TANC1: variants seen among roughly 807,000 people sequenced by gnomAD.
The protein encoded by TANC1 is protein TANC1.
A neutral mutation model predicts 149.7 loss-of-function variants in TANC1; 77 were observed. The ratio of observed to expected loss-of-function variants is 0.51; its 90% CI spans 0.43 to 0.62. The LOEUF is 0.62. Among genes scored for constraint, TANC1 ranks in the 20% least tolerant of loss-of-function variants. TANC1 has a pLI of 0.00. For missense variants in TANC1, 1,985 were observed against 2,321.8 expected (o/e 0.85, Z 2.98); for synonymous variants, 854 against 925.0 (o/e 0.92, Z 1.39).
intron 1 of TANC1, among the ~76,000 whole-genome samples, chr2:158,976,225 A>G (rs1255587649): frequency 1.3e-5 from 2 of 152,186 alleles, no homozygotes; most frequent in African/African-American, 4.8e-5. Flanking sequence ...TGTTAGAAAA[A>G]ATTAAGCTTT....
chr2:159,079,230 T>G (rs2044003957), intron 3 of TANC1, among the ~76,000 whole-genome samples: 1 of 152,076 alleles, frequency 6.6e-6, no homozygotes. Context: ...GGGGTCTCAC[T>G]ATATTGTCCA....
chr2:159,225,638 C>G, intron 23 of TANC1, 50 bp from the exon 24 acceptor site: 1 of 1,488,740 alleles, frequency 6.7e-7, no homozygotes, highest in Non-Finnish European at 9.4e-7. Context: ...GAATTGGGAT[C>G]CTTTCCGCAG....
At chr2:159,009,910 A>T (rs1453331296) in intron 2 of TANC1, among the ~76,000 whole-genome samples, 1 of 152,162 alleles carries the variant, frequency 6.6e-6, no homozygotes. Flanking sequence ...AAATCTGTGT[A>T]CCTAGTACTG....
intron 1 of TANC1, among the ~76,000 whole-genome samples, chr2:158,982,501 C>G (rs1185431874): frequency 6.6e-6 from 1 of 152,226 alleles, no homozygotes; most frequent in Non-Finnish European, 1.5e-5. Context: ...AAGGCGAAGC[C>G]CTGTATGAAA....
At chr2:158,970,163 A>G (rs1485969652) in intron 1 of TANC1, among the ~76,000 whole-genome samples, 1 of 151,432 alleles carries the variant, frequency 6.6e-6, no homozygotes, top group Non-Finnish European at 1.5e-5. Flanking sequence ...GGGGTGGGAG[A>G]GGAAAGGAGA....
intron 2 of TANC1, among the ~76,000 whole-genome samples, chr2:159,016,185 G>A (rs1053024612): frequency 1.3e-5 from 2 of 152,172 alleles, no homozygotes; most frequent in African/African-American, 4.8e-5. Context: ...AAGGTAAGAA[G>A]GAACAAGTCC....
intron 19 of TANC1, 136 bp downstream of exon 19, chr2:159,199,189 CT>C (rs2058072306): frequency 1.6e-6 from 1 of 610,124 alleles, no homozygotes; most frequent in South Asian, 2.4e-5. Flanking sequence ...AAGTTTAGAG[CT>C]CCTTGAACTT....
intron 2 of TANC1, among the ~76,000 whole-genome samples, chr2:159,026,098 A>C (rs77806817): frequency 0.099 from 15,129 of 152,112 alleles, 778 homozygotes; most frequent in Non-Finnish European, 0.11. Context: ...TTCCTGGCTA[A>C]TTTTTAAATT....
rs779142844 is a variant in TANC1, at chr2:159,116,454, CAAAAAA to C, written c.259+18628_259+18633del. 3.3e-3 allele frequency among the ~76,000 whole-genome samples: 467 copies of C among 140,478 alleles called. 2 individuals carry two copies. Among genetic ancestry groups the C allele is most frequent in the South Asian group, 0.021 (95 of 4,544 alleles). 92.2% of individuals were successfully genotyped at this position (140,478 alleles called of 152,430 possible). A position where few individuals can be genotyped will look rare whatever the true frequency, so the allele number is the denominator to read the frequency against. On this transcript the variant is annotated intron_variant, in intron 4 of 26. Transcript: ENST00000263635. ...AAAACAACAACAACAACAACAACAA[CAAAAAA>C]AAAAAAACAAAGGACCTGTTAGCTT... is the stretch of plus-strand genomic sequence containing the variant.
chr2:159,126,018 T>C (rs1393422298), intron 4 of TANC1, among the ~76,000 whole-genome samples: 3 of 152,224 alleles, frequency 2.0e-5, no homozygotes, highest in African/African-American at 7.2e-5. Flanking sequence ...CACACTTTAG[T>C]GTCTGACCCT....
intron 19 of TANC1, among the ~76,000 whole-genome samples, chr2:159,207,697 C>CAAAAAAAAAAAAAAAAAAAAAAAAA (rs10603858): frequency 4.2e-4 from 21 of 49,432 alleles, no homozygotes; most frequent in Non-Finnish European, 5.7e-4. Context: ...ACACGTGTCT[C>CAAAAAAAAAAAAAAAAAAAAAAAAA]AAAAAAAAAA....
chr2:159,022,357 T>C (rs1241495765), intron 2 of TANC1, among the ~76,000 whole-genome samples: 1 of 152,248 alleles, frequency 6.6e-6, no homozygotes, highest in Non-Finnish European at 1.5e-5. Context: ...CCTAAGTGTG[T>C]GCCCAGGACC....
chr2:159,185,154 C>T (rs1299807280), intron 14 of TANC1, among the ~76,000 whole-genome samples: 1 of 152,214 alleles, frequency 6.6e-6, no homozygotes, highest in African/African-American at 2.4e-5. Flanking sequence ...GAATAAGCAA[C>T]TCTGTGTGTC....
rs1405835194 is a variant in TANC1, at chr2:158,989,911, A to G, written c.-125-11169A>G. On this transcript the variant is annotated intron_variant, in intron 1 of 26. Transcript: ENST00000263635. ...ACGGCCTTAGTTTCTTCATCTGTAA[A>G]ATGGGGATTTTTTTTTTTTTTGGAG... is the stretch of plus-strand genomic sequence containing the variant. Among the ~76,000 whole-genome samples, 15 of 151,082 alleles carry G rather than the reference A, an allele frequency of 9.9e-5. No homozygotes were observed. In the Admixed American group the frequency reaches 9.9e-4, roughly 10 times the overall value.
intron 19 of TANC1, among the ~76,000 whole-genome samples, chr2:159,217,225 T>TG (rs1035563985): frequency 3.3e-5 from 5 of 152,136 alleles, no homozygotes; most frequent in Non-Finnish European, 7.4e-5. Flanking sequence ...CAGGACTGCT[T>TG]GGGCTTCCTC....
chr2:159,002,168 T>C (rs1006039566), intron 2 of TANC1, among the ~76,000 whole-genome samples: 1 of 152,338 alleles, frequency 6.6e-6, no homozygotes, highest in Admixed American at 6.5e-5. Flanking sequence ...CTTCCCAGAC[T>C]GGGACCTGCG....
chr2:159,051,103 A>T (rs190351381), intron 2 of TANC1, among the ~76,000 whole-genome samples: 1 of 152,224 alleles, frequency 6.6e-6, no homozygotes, highest in East Asian at 1.9e-4. Flanking sequence ...ACAATTTTAC[A>T]TCCACCGTCT....
At chr2:159,090,361 G>C (rs2149848710) in intron 3 of TANC1, among the ~76,000 whole-genome samples, 1 of 152,256 alleles carries the variant, frequency 6.6e-6, no homozygotes, top group East Asian at 1.9e-4. Flanking sequence ...CTTGGGAAGT[G>C]GCATAAGCAT....
At chr2:159,107,307 G>A (rs575794554) in intron 4 of TANC1, among the ~76,000 whole-genome samples, 2 of 152,098 alleles carry the variant, frequency 1.3e-5, no homozygotes, top group South Asian at 2.1e-4. Context: ...GATTACAGGC[G>A]TGAGCCACCA....
Sources: allele counts gnomAD v4.1 joint callset (sites outside exome capture counted in the v4.1 genomes callset), GRCh38; gene constraint gnomAD v4.1.1; transcripts MANE v1.5; gene names NCBI Gene and HGNC (gene_info 2026-07-23, HGNC 2026-07-21).